Variants in FSTL4 observed in about 807,000 individuals in gnomAD.
The protein encoded by FSTL4 is follistatin like 4.
Under a neutral mutation model 78.2 loss-of-function variants are expected in FSTL4, and 28 were observed. The observed-to-expected ratio is 0.36, with a 90% confidence interval of 0.27 to 0.49. The LOEUF (loss-of-function observed/expected upper bound fraction) is 0.49, where lower values mean the gene tolerates loss of function less well. FSTL4 is among the 20% of genes least tolerant of loss of function. FSTL4 has a pLI of 0.98. For synonymous variants in FSTL4, 422 were observed against 440.5 expected, an observed-to-expected ratio of 0.96 and a Z score of 0.53; for missense variants, 922 against 1,084.9, an observed-to-expected ratio of 0.85 and a Z score of 2.11.
intron 4 of FSTL4, 94 bp from the exon 5 acceptor site, chr5:133,316,746 G>A: frequency 9.8e-7 from 1 of 1,024,422 alleles, no homozygotes; most frequent in East Asian, 2.4e-5. Context: ...CTCACAAATA[G>A]CCACCAGGCG....
the FSTL4 span, among the ~76,000 whole-genome samples, chr5:133,834,522 G>A: frequency 4.2e-4 from 63 of 151,276 alleles, 1 homozygote; most frequent in East Asian, 0.011. Context: ...GGGGGTGGGG[G>A]GAGTAACAAT....
chr5:133,578,212 T>C (rs996849255), intron 2 of FSTL4, among the ~76,000 whole-genome samples: 2 of 152,236 alleles, frequency 1.3e-5, no homozygotes, highest in Non-Finnish European at 2.9e-5. Context: ...AGAATCAACA[T>C]GATAAACCCA....
chr5:133,799,809 G>A, the FSTL4 span, among the ~76,000 whole-genome samples: 4 of 139,204 alleles, frequency 2.9e-5, 2 homozygotes, highest in Non-Finnish European at 6.4e-5. Flanking sequence ...TTATCCTCCT[G>A]CCTGTGTTTG....
In FSTL4 at chr5:133,249,526, C is replaced by T; in HGVS notation, c.778G>A (p.Val260Met). Reference sequence around the variant, plus strand: ...AGCACTGTGCTCAGCCCCACGGTCACTGTGGTCACACTGACCCTGTCCTCG... The same window carrying T: ...AGCACTGTGCTCAGCCCCACGGTCATTGTGGTCACACTGACCCTGTCCTCG... ...APEDRVSVTT[V>M]TVGLSTVLTC... The change falls in exon 7 of 16, where the codon GTG becomes ATG. Residue 260 changes from valine to methionine, a missense_variant. Physicochemically the swap from Val to Met is conservative, Grantham distance 21 (BLOSUM62 1). Transcript: ENST00000265342. The T allele has an allele frequency of 6.2e-7, 1 of 1,613,174 alleles. No homozygotes were observed. The highest frequency in any genetic ancestry group is 1.3e-5 in the African/African-American group (1 of 75,048).
chr5:133,628,442 C>T, the FSTL4 span, among the ~76,000 whole-genome samples: 3 of 151,544 alleles, frequency 2.0e-5, no homozygotes, highest in Non-Finnish European at 4.4e-5. Context: ...TCACTGCAAT[C>T]TCCACCTCCT....
At chr5:133,249,613 G>A (rs553829253) in intron 6 of FSTL4, 37 bp from the exon 7 acceptor site, 31 of 1,570,292 alleles carry the variant, frequency 2.0e-5, no homozygotes, top group Non-Finnish European at 2.5e-5. Flanking sequence ...TCAGGTGCAG[G>A]CCCAGGGATT....
At chr5:133,255,006 G>T (rs895268240) in intron 6 of FSTL4, among the ~76,000 whole-genome samples, 3 of 152,220 alleles carry the variant, frequency 2.0e-5, no homozygotes, top group Non-Finnish European at 4.4e-5. Context: ...CAGCCCTCTA[G>T]GGGGCAACGA....
At chr5:133,790,717 C>T in the FSTL4 span, among the ~76,000 whole-genome samples, 9 of 152,198 alleles carry the variant, frequency 5.9e-5, no homozygotes, top group Non-Finnish European at 1.0e-4. Context: ...CTAATCCTGA[C>T]TGCTGAGGCT....
At chr5:133,288,766 C>T (rs377395746) in intron 6 of FSTL4, among the ~76,000 whole-genome samples, 1 of 152,192 alleles carries the variant, frequency 6.6e-6, no homozygotes, top group Admixed American at 6.5e-5. Flanking sequence ...CTGACCTATC[C>T]GAGTGGCAGC....
At chr5:133,676,302 C>G in the FSTL4 span, among the ~76,000 whole-genome samples, 3 of 152,228 alleles carry the variant, frequency 2.0e-5, no homozygotes, top group East Asian at 1.9e-4. Flanking sequence ...AACACTGCCT[C>G]TGGGATTTTT....
At chr5:133,675,343 C>T in the FSTL4 span, among the ~76,000 whole-genome samples, 17 of 152,332 alleles carry the variant, frequency 1.1e-4, no homozygotes, top group African/African-American at 3.6e-4. Context: ...TTGCCAATAT[C>T]TCCAAATCGC....
chr5:133,563,632 G>T (rs1448167979), intron 3 of FSTL4, among the ~76,000 whole-genome samples: 3 of 152,232 alleles, frequency 2.0e-5, no homozygotes, highest in Non-Finnish European at 4.4e-5. Flanking sequence ...GCACAGTCTG[G>T]TGCCTGGGCA....
At chr5:133,456,516 G>A (rs573879173) in intron 3 of FSTL4, among the ~76,000 whole-genome samples, 54 of 152,330 alleles carry the variant, frequency 3.5e-4, no homozygotes, top group African/African-American at 1.2e-3. Context: ...TTCTCTGCCT[G>A]CTGCCTACAC....
intron 3 of FSTL4, among the ~76,000 whole-genome samples, chr5:133,437,485 GTTTTTTTTTTT>G (rs11401684): frequency 3.1e-5 from 3 of 95,384 alleles, no homozygotes; most frequent in African/African-American, 1.2e-4. Context: ...GTAAATAGGT[GTTTTTTTTTTT>G]TTTTTTTTTT....
rs573761114 is a variant in FSTL4 at position 133,563,665 on chromosome 5, C to T, written c.160+3521G>A. Among the ~76,000 whole-genome samples the T allele has an allele frequency of 3.3e-5, 5 of 152,354 alleles. No homozygotes were observed. The East Asian group carries it at 9.6e-4, about 29-fold the overall frequency. ...GCACTCTGAGGAAGCTCTGCCTCTT[C>T]CTGGGCTCTCTAGGGCAGGGTTTGC... On this transcript the variant is annotated intron_variant, in intron 3 of 15. Transcript: ENST00000265342.
In FSTL4 at chr5:133,302,128, C is replaced by T. The variant is rs944314324; in HGVS notation, c.727+10526G>A. On this transcript the variant is annotated intron_variant, in intron 6 of 15. Coordinates refer to ENST00000265342, the MANE Select transcript of FSTL4 (RefSeq NM_015082.2). The stretch of plus-strand genomic sequence containing the variant: ...CCAAGGGTCCAAAGATGCTATCAGC[C>T]TTCATATGTAAAGGCAAAAACCTGG... Among the ~76,000 whole-genome samples, 8 of 152,184 alleles carry T rather than the reference C, an allele frequency of 5.3e-5. No homozygotes were observed. The East Asian group carries it at 1.4e-3, about 26-fold the overall frequency.
chr5:133,389,264 A>G (rs1755780974), intron 4 of FSTL4, among the ~76,000 whole-genome samples: 1 of 152,170 alleles, frequency 6.6e-6, no homozygotes, highest in Non-Finnish European at 1.5e-5. Flanking sequence ...AGGTCTGTTC[A>G]GGCTTCACCT....
intron 3 of FSTL4, among the ~76,000 whole-genome samples, chr5:133,546,504 TCAAAAA>T (rs1759575583): frequency 2.9e-5 from 1 of 34,368 alleles, no homozygotes; most frequent in Admixed American, 4.2e-4. Flanking sequence ...AGACTTTGTC[TCAAAAA>T]AAAAAAAAAA....
At chr5:133,252,614 G>A (rs1410679580) in intron 6 of FSTL4, among the ~76,000 whole-genome samples, 1 of 106,762 alleles carries the variant, frequency 9.4e-6, no homozygotes, top group Non-Finnish European at 1.8e-5. Context: ...GCAGGTGGGA[G>A]ACAGGGAGAC....
Sources: allele counts gnomAD v4.1 joint callset (sites outside exome capture counted in the v4.1 genomes callset), GRCh38; gene constraint gnomAD v4.1.1; transcripts MANE v1.5; gene names NCBI Gene and HGNC (gene_info 2026-07-23, HGNC 2026-07-21).